The following PLXNA2 variants were observed in gnomAD, a reference collection of about 807,000 sequenced individuals.
PLXNA2 encodes the protein plexin A2.
PLXNA2 carries 91 observed loss-of-function variants against 193.5 expected under a neutral mutation model. The observed-to-expected ratio is 0.47, with a 90% CI of 0.40 to 0.56. The LOEUF is 0.56. Among genes scored for constraint, PLXNA2 ranks in the 20% least tolerant of loss-of-function variants. The pLI, the probability that PLXNA2 is intolerant of heterozygous loss-of-function variation, is 0.00. For synonymous variants in PLXNA2, 997 were observed against 1,027.3 expected (o/e 0.97, Z 0.56); for missense variants, 1,995 against 2,503.2 (o/e 0.80, Z 4.33).
At chr1:208,150,958 G>C (rs187230180) in intron 3 of PLXNA2, among the ~76,000 whole-genome samples, 1 of 152,192 alleles carries the variant, frequency 6.6e-6, no homozygotes, top group Non-Finnish European at 1.5e-5. Context: ...TCAGGAACAC[G>C]GGGCTCAGGC....
At chr1:208,086,511 C>T (rs556519420) in intron 9 of PLXNA2, among the ~76,000 whole-genome samples, 2 of 151,918 alleles carry the variant, frequency 1.3e-5, no homozygotes, top group Non-Finnish European at 2.9e-5. Flanking sequence ...TCTGAAGAGC[C>T]GGATCTGGGG....
At chr1:208,105,759 A>G (rs1667251764) in intron 4 of PLXNA2, among the ~76,000 whole-genome samples, 1 of 152,208 alleles carries the variant, frequency 6.6e-6, no homozygotes, top group African/African-American at 2.4e-5. Flanking sequence ...GGCCCCCTCC[A>G]AACCACTCTC....
Position 208,079,395 on chromosome 1 carries a change from G to T in PLXNA2, c.2451C>A (p.Ala817=), listed in dbSNP as rs142754644. The change falls in exon 12 of 32, where the codon GCC becomes GCA. Residue 817 remains alanine (A), a synonymous_variant. Coordinates refer to ENST00000367033, the MANE Select transcript of PLXNA2 (RefSeq NM_025179.4). ...QRESCGLCLK[A]DRKFECGWCS... is the part of the protein sequence containing the mutation. ...ACCAGCCACACTCAAACTTCCGGTCGGCCTTGAGGCAGAGGCCGCAGCTCT... is the reference window on the plus strand; with the variant it reads ...ACCAGCCACACTCAAACTTCCGGTCTGCCTTGAGGCAGAGGCCGCAGCTCT... 11 of 1,613,228 alleles carry T rather than the reference G, an allele frequency of 6.8e-6. No homozygotes were observed. In the South Asian group the frequency reaches 1.1e-4, roughly 16 times the overall value.
At chr1:208,241,109 C>T (rs906636659) in intron 1 of PLXNA2, among the ~76,000 whole-genome samples, 17 of 152,212 alleles carry the variant, frequency 1.1e-4, no homozygotes, top group African/African-American at 4.1e-4. Flanking sequence ...GTTTCCCCTC[C>T]TGTTCCTATG....
intron 18 of PLXNA2, 50 bp downstream of exon 18, chr1:208,045,828 C>T (rs1263371357): frequency 1.9e-6 from 3 of 1,605,672 alleles, no homozygotes; most frequent in Non-Finnish European, 2.6e-6. Flanking sequence ...GAGGGGCGCC[C>T]TCTGGCATTG....
intron 12 of PLXNA2, among the ~76,000 whole-genome samples, chr1:208,062,129 A>T (rs1665640327): frequency 1.3e-5 from 2 of 152,080 alleles, no homozygotes; most frequent in Admixed American, 6.5e-5. Context: ...CCAGAAGAGG[A>T]TACCTGGGCA....
At chr1:208,225,774 C>G (rs1671490337) in intron 1 of PLXNA2, among the ~76,000 whole-genome samples, 1 of 152,250 alleles carries the variant, frequency 6.6e-6, no homozygotes, top group Non-Finnish European at 1.5e-5. Flanking sequence ...ACATCCTCAT[C>G]TGACCATCTA....
At chr1:208,062,729 C>T (rs940551967) in intron 12 of PLXNA2, among the ~76,000 whole-genome samples, 1 of 152,080 alleles carries the variant, frequency 6.6e-6, no homozygotes, top group Non-Finnish European at 1.5e-5. Context: ...AGAGGTGTCT[C>T]TGTATGCTGG....
At chr1:208,043,593 A>C (rs908559553) in intron 20 of PLXNA2, among the ~76,000 whole-genome samples, 5 of 152,174 alleles carry the variant, frequency 3.3e-5, no homozygotes, top group Admixed American at 3.3e-4. Flanking sequence ...TTTCTAATCA[A>C]GGTAATAAAT....
chr1:208,186,107 T>G (rs1310788168), intron 3 of PLXNA2, among the ~76,000 whole-genome samples: 1 of 152,166 alleles, frequency 6.6e-6, no homozygotes, highest in African/African-American at 2.4e-5. Context: ...TTCATCACCC[T>G]GCATCATCAT....
rs560661785 is a variant in PLXNA2, at chr1:208,211,687, C to T, written c.1189-1225G>A. On this transcript the variant is annotated intron_variant, in intron 2 of 31. Transcript: ENST00000367033. ...CAGCCTGGGCGGCAGAACGAGACTC[C>T]GTCTCAAAAAAAAAAAAAAAAAAAT... 3.3e-3 allele frequency among the ~76,000 whole-genome samples: 372 copies of T among 112,940 alleles called. 2 individuals carry two copies. Among genetic ancestry groups the T allele is most frequent in the African/African-American group, 9.8e-3 (332 of 33,924 alleles). 74.1% of individuals were successfully genotyped at this position (112,940 alleles called of 152,430 possible). A position where few individuals can be genotyped will look rare whatever the true frequency, so the allele number is the denominator to read the frequency against.
chr1:208,054,471 C>A lies in PLXNA2; in HGVS notation c.2806G>T (p.Glu936Ter). Residue 936 changes from glutamate to a stop codon, truncating the protein, a stop_gained, in exon 14 of 32, where the codon GAG becomes TAG. Transcript: ENST00000367033. LOFTEE classifies it high-confidence loss of function. ...TTCGTCATGAACTCTGGCTTACACT[C>A]GCCAATACACAGGCGTACTGGCCCG... is the stretch of plus-strand genomic sequence containing the variant. ...TSGPVRLCIG[E>*]CKPEFMTKSH... The A allele has an allele frequency of 1.9e-6, 3 of 1,614,226 alleles. No homozygotes were observed. The highest frequency in any genetic ancestry group is 2.5e-6 in the Non-Finnish European group (3 of 1,180,020).
At chr1:208,029,139 C>T in intron 29 of PLXNA2, 97 bp from the exon 30 acceptor site, 3 of 1,544,138 alleles carry the variant, frequency 1.9e-6, no homozygotes, top group South Asian at 1.2e-5. Flanking sequence ...AAATTGTCCA[C>T]CTGAAGGGGC....
At chr1:208,127,519 C>G (rs1002424632) in intron 4 of PLXNA2, among the ~76,000 whole-genome samples, 1 of 152,192 alleles carries the variant, frequency 6.6e-6, no homozygotes, top group Non-Finnish European at 1.5e-5. Context: ...CTCCACTTCC[C>G]GAGGTGCACA....
chr1:208,051,154 T>C (rs1484788741), intron 16 of PLXNA2, 52 bp from the exon 17 acceptor site: 5 of 1,596,534 alleles, frequency 3.1e-6, no homozygotes, highest in Non-Finnish European at 3.4e-6. Flanking sequence ...AAATCTGGCA[T>C]GGTGAACCTC....
At chr1:208,224,518 G>A (rs1426848005) in intron 1 of PLXNA2, among the ~76,000 whole-genome samples, 1 of 152,006 alleles carries the variant, frequency 6.6e-6, no homozygotes, top group African/African-American at 2.4e-5. Context: ...GCGATTTAAA[G>A]GGAAAAGGGG....
At chr1:208,107,519 A>G (rs1204755149) in intron 4 of PLXNA2, among the ~76,000 whole-genome samples, 1 of 152,098 alleles carries the variant, frequency 6.6e-6, no homozygotes, top group Non-Finnish European at 1.5e-5. Flanking sequence ...CGCAGTCAGG[A>G]GCCACTTCAC....
At chr1:208,153,316 T>C (rs1668829465) in intron 3 of PLXNA2, among the ~76,000 whole-genome samples, 1 of 152,186 alleles carries the variant, frequency 6.6e-6, no homozygotes, top group South Asian at 2.1e-4. Flanking sequence ...GGAGGCATAG[T>C]AGGGTGAGGT....
intron 4 of PLXNA2, among the ~76,000 whole-genome samples, chr1:208,140,353 A>G (rs1052230491): frequency 6.6e-6 from 1 of 152,168 alleles, no homozygotes; most frequent in Non-Finnish European, 1.5e-5. Context: ...AAAGATATGC[A>G]GCTAAAATAT....
Sources: allele counts gnomAD v4.1 joint callset (sites outside exome capture counted in the v4.1 genomes callset), GRCh38; gene constraint gnomAD v4.1.1; transcripts MANE v1.5; gene names NCBI Gene and HGNC (gene_info 2026-07-23, HGNC 2026-07-21).